Variants in ZNF804A observed in about 807,000 individuals in gnomAD.
ZNF804A encodes the protein zinc finger protein 804A.
ZNF804A carries 2 observed loss-of-function variants against 16.5 expected under a neutral mutation model. The observed-to-expected ratio is 0.12, with a 90% CI of 0.05 to 0.38. The LOEUF is 0.38. Ranked by LOEUF, ZNF804A falls within the 10% of genes least tolerant of loss-of-function variation. The pLI is 0.99. For synonymous variants in ZNF804A, 534 were observed against 489.6 expected (o/e 1.09, Z -1.20); for missense variants, 1,473 against 1,390.7 (o/e 1.06, Z -0.94).
intron 1 of ZNF804A, among the ~76,000 whole-genome samples, chr2:184,655,187 A>G (rs1574148983): frequency 6.6e-6 from 1 of 152,320 alleles, no homozygotes; most frequent in Non-Finnish European, 1.5e-5. Flanking sequence ...TTCTAAGTAG[A>G]GCATAAACAA....
chr2:184,788,892 C>G (rs1020110446), intron 1 of ZNF804A, among the ~76,000 whole-genome samples: 8 of 152,016 alleles, frequency 5.3e-5, no homozygotes, highest in African/African-American at 1.9e-4. Context: ...TGAGAGCAGA[C>G]AGACATCCTT....
At chr2:184,829,859 C>G (rs77593164) in intron 1 of ZNF804A, among the ~76,000 whole-genome samples, 9,178 of 130,306 alleles carry the variant, frequency 0.07, 1,062 homozygotes, top group African/African-American at 0.25. Flanking sequence ...CCCAGGAGTT[C>G]GAGATCAACC....
intron 1 of ZNF804A, among the ~76,000 whole-genome samples, chr2:184,639,142 C>T (rs1378142168): frequency 1.4e-5 from 2 of 143,764 alleles, no homozygotes; most frequent in African/African-American, 2.6e-5. Flanking sequence ...GGCGTGCTCT[C>T]GGCTCACTGC....
intron 1 of ZNF804A, among the ~76,000 whole-genome samples, chr2:184,609,611 G>T (rs1691205520): frequency 6.6e-6 from 1 of 152,218 alleles, no homozygotes; most frequent in Non-Finnish European, 1.5e-5. Flanking sequence ...TATCTGGCGA[G>T]GACCTGCTTC....
In ZNF804A at chr2:184,926,834, C is replaced by T. The variant is rs2105839443; in HGVS notation, c.256-6769C>T. The stretch of plus-strand genomic sequence containing the variant: ...TTAGTTTGCCAATTGCATTTTTCAG[C>T]TCCAGAATTTCTGCTTGCTTTAATT... On this transcript the variant is annotated intron_variant, in intron 2 of 3. Transcript: ENST00000302277. Among the ~76,000 whole-genome samples, 3 of 152,274 alleles carry T rather than the reference C, an allele frequency of 2.0e-5. No homozygotes were observed. In the Middle Eastern group the frequency reaches 0.01, roughly 518 times the overall value.
chr2:184,657,062 A>G (rs1011132172), intron 1 of ZNF804A, among the ~76,000 whole-genome samples: 7 of 152,020 alleles, frequency 4.6e-5, no homozygotes, highest in South Asian at 2.1e-4. Context: ...GCAGTTTCCT[A>G]TTTTCTTTCT....
At chr2:184,753,462 C>T (rs1693907421) in intron 1 of ZNF804A, among the ~76,000 whole-genome samples, 2 of 151,662 alleles carry the variant, frequency 1.3e-5, no homozygotes. Flanking sequence ...AAAAATGCCT[C>T]TCTGATCAAT....
chr2:184,660,364 G>A (rs1337133539), intron 1 of ZNF804A, among the ~76,000 whole-genome samples: 2 of 152,038 alleles, frequency 1.3e-5, no homozygotes, highest in Non-Finnish European at 2.9e-5. Context: ...AAATCTCTCT[G>A]CCTGTTCATT....
chr2:184,862,160 C>G (rs1695810994), intron 1 of ZNF804A, among the ~76,000 whole-genome samples: 1 of 152,090 alleles, frequency 6.6e-6, no homozygotes, highest in South Asian at 2.1e-4. Context: ...CCTTTTTCAT[C>G]TCACTCAAAT....
intron 1 of ZNF804A, among the ~76,000 whole-genome samples, chr2:184,774,729 TG>T (rs1471803888): frequency 6.6e-6 from 1 of 151,812 alleles, no homozygotes; most frequent in Non-Finnish European, 1.5e-5. Flanking sequence ...GATATCTCTG[TG>T]ATACATTTTT....
chr2:184,651,626 G>A (rs1691985282), intron 1 of ZNF804A, among the ~76,000 whole-genome samples: 1 of 151,834 alleles, frequency 6.6e-6, no homozygotes, highest in South Asian at 2.1e-4. Flanking sequence ...TTAAAAGTAG[G>A]CAAAAAATAG....
At chr2:184,622,547 C>T (rs1328494925) in intron 1 of ZNF804A, among the ~76,000 whole-genome samples, 1 of 151,798 alleles carries the variant, frequency 6.6e-6, no homozygotes, top group African/African-American at 2.4e-5. Flanking sequence ...CTTCAATAGA[C>T]TTTCATTCTA....
At position 184,937,372 on chromosome 2, in the gene ZNF804A, G is replaced by T; in HGVS notation, c.1976G>T (p.Arg659Met). The T allele has an allele frequency of 6.2e-7, 1 of 1,613,480 alleles. No homozygotes were observed. The highest frequency in any genetic ancestry group is 8.5e-7 in the Non-Finnish European group (1 of 1,179,804). Residue 659 changes from arginine to methionine, a missense_variant, in exon 4 of 4, where the codon AGG becomes ATG. Transcript: ENST00000302277. ...LLDSHQLLDK[R>M]PKSESISLSD... is the part of the protein sequence containing the mutation. ...GACTCACATCAGTTACTTGATAAAA[G>T]GCCCAAATCAGAATCCATATCCTTA... is the stretch of plus-strand genomic sequence containing the variant.
intron 1 of ZNF804A, among the ~76,000 whole-genome samples, chr2:184,828,159 A>G (rs753479102): frequency 4.1e-4 from 62 of 151,826 alleles, no homozygotes; most frequent in Non-Finnish European, 6.3e-4. Context: ...TTTATTCCAA[A>G]CTGTAAAAAA....
intron 2 of ZNF804A, among the ~76,000 whole-genome samples, chr2:184,878,180 C>G (rs1574252991): frequency 6.6e-6 from 1 of 152,054 alleles, no homozygotes; most frequent in African/African-American, 2.4e-5. Context: ...CTCTTTTACT[C>G]TCTTTAGAGG....
At chr2:184,800,691 C>T (rs1168476626) in intron 1 of ZNF804A, among the ~76,000 whole-genome samples, 1 of 151,598 alleles carries the variant, frequency 6.6e-6, no homozygotes, top group Admixed American at 6.6e-5. Flanking sequence ...TAGTCTAAGT[C>T]CCTCATCCAA....
At chr2:184,633,713 T>G (rs181743133) in intron 1 of ZNF804A, among the ~76,000 whole-genome samples, 1 of 152,250 alleles carries the variant, frequency 6.6e-6, no homozygotes, top group Non-Finnish European at 1.5e-5. Context: ...CATTTTAGCG[T>G]TTTTGTAAAC....
chr2:184,661,107 A>G lies in ZNF804A; in HGVS notation c.111+62037A>G, dbSNP rs78875762. ...GATAGAACATTGCTATTCTTTATAT[A>G]TGAAATTGGCATTTAGAAATGTATA... is the stretch of plus-strand genomic sequence containing the variant. On this transcript the variant is annotated intron_variant, in intron 1 of 3. Coordinates refer to ENST00000302277, the MANE Select transcript of ZNF804A (RefSeq NM_194250.2). 4.3e-3 allele frequency among the ~76,000 whole-genome samples: 650 copies of G among 152,366 alleles called. 2 individuals are homozygous for G. The highest frequency in any genetic ancestry group is 8.7e-3 in the Admixed American group (133 of 15,302).
intron 1 of ZNF804A, among the ~76,000 whole-genome samples, chr2:184,845,419 T>C (rs1227521580): frequency 6.6e-6 from 1 of 152,108 alleles, no homozygotes; most frequent in Admixed American, 6.6e-5. Flanking sequence ...AGAATTTTTT[T>C]CTTTCTCCCC....
Sources: allele counts gnomAD v4.1 joint callset (sites outside exome capture counted in the v4.1 genomes callset), GRCh38; gene constraint gnomAD v4.1.1; transcripts MANE v1.5; gene names NCBI Gene and HGNC (gene_info 2026-07-23, HGNC 2026-07-21).